FER1L6: variants seen among roughly 807,000 people sequenced by gnomAD.
FER1L6 encodes fer-1 like family member 6, also known as fer-1-like protein 6.
In FER1L6, 177 loss-of-function variants were observed where a neutral mutation model predicts 219.2. That is an observed-to-expected ratio of 0.81 (90% confidence interval 0.71 to 0.91). The LOEUF is 0.91. FER1L6 is among the 40% of genes least tolerant of loss of function. FER1L6 has a pLI of 0.00. For synonymous variants in FER1L6, 768 were observed against 824.3 expected, an observed-to-expected ratio of 0.93 and a Z score of 1.17; for missense variants, 2,153 against 2,259.9, an observed-to-expected ratio of 0.95 and a Z score of 0.96.
At chr8:123,921,802 C>T (rs1217074866) in intron 1 of FER1L6, among the ~76,000 whole-genome samples, 1 of 152,090 alleles carries the variant, frequency 6.6e-6, no homozygotes, top group Non-Finnish European at 1.5e-5. Context: ...TTGGATCTTA[C>T]TGATGATGAT....
At chr8:124,112,883 G>A (rs1373402117) in intron 39 of FER1L6, among the ~76,000 whole-genome samples, 2 of 152,122 alleles carry the variant, frequency 1.3e-5, no homozygotes, top group African/African-American at 4.8e-5. Context: ...TTAAGATAGG[G>A]TGTATAATGT....
At chr8:123,897,822 A>G (rs1441865523) in intron 1 of FER1L6, among the ~76,000 whole-genome samples, 1 of 152,194 alleles carries the variant, frequency 6.6e-6, no homozygotes, top group African/African-American at 2.4e-5. Flanking sequence ...CAGTAAAGCA[A>G]ATGTTGGCAA....
chr8:124,061,755 C>A, intron 24 of FER1L6, 97 bp from the exon 25 acceptor site: 2 of 1,215,894 alleles, frequency 1.6e-6, no homozygotes, highest in Non-Finnish European at 1.2e-6. Context: ...GACAGAATGG[C>A]AAGGCAGAGA....
At chr8:124,054,842 A>T (rs1259730476) in intron 22 of FER1L6, among the ~76,000 whole-genome samples, 1 of 152,182 alleles carries the variant, frequency 6.6e-6, no homozygotes, top group East Asian at 1.9e-4. Flanking sequence ...TCTGGGAGAG[A>T]TGGGAAACCA....
intron 21 of FER1L6, among the ~76,000 whole-genome samples, chr8:124,048,529 G>A (rs116569497): frequency 1.1e-3 from 172 of 152,016 alleles, no homozygotes; most frequent in Middle Eastern, 3.4e-3. Context: ...ACTTCTTATA[G>A]AAACATATGG....
intron 32 of FER1L6, among the ~76,000 whole-genome samples, chr8:124,081,372 T>C (rs1036181665): frequency 2.0e-5 from 3 of 152,032 alleles, no homozygotes; most frequent in African/African-American, 7.2e-5. Flanking sequence ...ACACCTTGCG[T>C]TGGTGTGGTT....
intron 22 of FER1L6, 53 bp downstream of exon 22, chr8:124,049,809 G>A: frequency 6.3e-7 from 1 of 1,584,056 alleles, no homozygotes; most frequent in Non-Finnish European, 8.7e-7. Flanking sequence ...GGCCAGAGAA[G>A]TGGCCTCACC....
intron 1 of FER1L6, among the ~76,000 whole-genome samples, chr8:123,865,612 G>A (rs1310549120): frequency 4.0e-5 from 6 of 151,292 alleles, no homozygotes; most frequent in Admixed American, 6.6e-5. Flanking sequence ...ATCTCAGACC[G>A]CTGTGCTAGC....
intron 1 of FER1L6, among the ~76,000 whole-genome samples, chr8:123,902,402 G>A (rs1812875730): frequency 6.6e-6 from 1 of 152,112 alleles, no homozygotes; most frequent in Admixed American, 6.6e-5. Flanking sequence ...GCTGTCATTG[G>A]AGTATTGAAG....
Position 123,903,052 on chromosome 8 carries a change from TATG to T in FER1L6, c.-8+50871_-8+50873del, listed in dbSNP as rs549692476. Among the ~76,000 whole-genome samples, 289 of 152,306 alleles carry T rather than the reference TATG, an allele frequency of 1.9e-3. 9 individuals are homozygous for T. Among genetic ancestry groups the T allele is most frequent in the Non-Finnish European group, 1.6e-4 (11 of 68,030 alleles). On this transcript the variant is annotated intron_variant, in intron 1 of 40. Coordinates refer to ENST00000522917, the MANE Select transcript of FER1L6 (RefSeq NM_001039112.2). Reference sequence around the variant, plus strand: ...TGAAAAAGACTATCTTTCCTTCATATATGATGCTTAGTAATTTGTTTTTTTTAA... The same window carrying T: ...TGAAAAAGACTATCTTTCCTTCATATATGCTTAGTAATTTGTTTTTTTTAA...
intron 24 of FER1L6, chr8:124,060,917 A>G (rs947128701): frequency 6.4e-6 from 3 of 470,184 alleles, no homozygotes; most frequent in Non-Finnish European, 1.1e-5. Context: ...AAGCAGGTTG[A>G]CAAACTTTTT....
chr8:123,865,947 C>T lies in FER1L6; in HGVS notation c.-8+13762C>T, dbSNP rs573103520. On this transcript the variant is annotated intron_variant, in intron 1 of 40. Transcript: ENST00000522917. Reference sequence around the variant, plus strand: ...TGCAGAAATCACCCGTCTTCTGCGTCGCTCACGCTGGGAGCTGTAGACCGG... The same window carrying T: ...TGCAGAAATCACCCGTCTTCTGCGTTGCTCACGCTGGGAGCTGTAGACCGG... Among the ~76,000 whole-genome samples, 331 of 151,488 alleles carry T rather than the reference C, an allele frequency of 2.2e-3. 3 individuals are homozygous for T. The highest frequency in any genetic ancestry group is 2.4e-3 in the Non-Finnish European group (166 of 68,032).
Position 124,110,057 on chromosome 8 carries a change from C to T in FER1L6, c.5289+6748C>T, listed in dbSNP as rs560826307. The stretch of plus-strand genomic sequence containing the variant: ...CCTAACTAATCACATATGACGGCCC[C>T]CTACTTAGCCTGCTTCCAGTTTCCC... On this transcript the variant is annotated intron_variant, in intron 39 of 40. Coordinates refer to ENST00000522917, the MANE Select transcript of FER1L6 (RefSeq NM_001039112.2). Among the ~76,000 whole-genome samples, 21 of 152,246 alleles carry T rather than the reference C, an allele frequency of 1.4e-4. 1 individual carries two copies. Among genetic ancestry groups the T allele is most frequent in the Middle Eastern group, 3.4e-3 (1 of 294 alleles).
At chr8:124,103,094 T>C in intron 38 of FER1L6, 52 bp from the exon 39 acceptor site, 5 of 1,526,690 alleles carry the variant, frequency 3.3e-6, no homozygotes, top group Non-Finnish European at 3.6e-6. Flanking sequence ...GAGAAGCTCT[T>C]CTGTTACTTT....
chr8:124,119,732 T>C lies in FER1L6; in HGVS notation c.5516T>C (p.Val1839Ala), dbSNP rs1053648084. 4 of 1,613,550 alleles carry C rather than the reference T, an allele frequency of 2.5e-6. No individual in the cohort carries two copies. The African/African-American group carries it at 4.0e-5, about 16-fold the overall frequency. ...CTCATCATCCTCATCATCTTCCTCGTCCTTTTCATCTACACCTTGCCAGGA... is the reference window on the plus strand; with the variant it reads ...CTCATCATCCTCATCATCTTCCTCGCCCTTTTCATCTACACCTTGCCAGGA... Reference protein sequence around the residue: ...FILIILIIFLVLFIYTLPGAI... With the variant: ...FILIILIIFLALFIYTLPGAI... The change falls in exon 41 of 41, where the codon GTC becomes GCC. Residue 1839 changes from valine to alanine, a missense_variant. Val to Ala is a moderately conservative substitution (Grantham distance 64). Transcript: ENST00000522917.
At chr8:124,019,290 C>A (rs1818346511) in intron 16 of FER1L6, among the ~76,000 whole-genome samples, 2 of 152,156 alleles carry the variant, frequency 1.3e-5, no homozygotes, top group South Asian at 4.1e-4. Flanking sequence ...CCTCTGTCTT[C>A]TTACTCTCTG....
chr8:124,084,183 T>A (rs550066886), intron 33 of FER1L6, among the ~76,000 whole-genome samples: 11 of 151,910 alleles, frequency 7.2e-5, no homozygotes, highest in East Asian at 5.8e-4. Flanking sequence ...TTTTTTTTTT[T>A]AAATATAAGA....
intron 12 of FER1L6, among the ~76,000 whole-genome samples, chr8:123,989,113 C>T (rs542452101): frequency 3.9e-5 from 6 of 152,184 alleles, no homozygotes; most frequent in African/African-American, 7.2e-5. Context: ...ATTCTGTTGA[C>T]GTGATGTATC....
intron 35 of FER1L6, 21 bp from the exon 36 acceptor site, chr8:124,097,250 G>A (rs1563798588): frequency 1.3e-6 from 2 of 1,596,198 alleles, no homozygotes; most frequent in Admixed American, 3.3e-5. Flanking sequence ...AGCTAAAGAA[G>A]ATATTTTTTT....
Sources: allele counts gnomAD v4.1 joint callset (sites outside exome capture counted in the v4.1 genomes callset), GRCh38; gene constraint gnomAD v4.1.1; transcripts MANE v1.5; gene names NCBI Gene and HGNC (gene_info 2026-07-23, HGNC 2026-07-21).